The following SLC25A37 variants were observed in gnomAD, a reference collection of about 807,000 sequenced individuals.
SLC25A37 encodes solute carrier family 25 member 37, also known as mitoferrin-1.
SLC25A37 carries 17 observed loss-of-function variants against 31.0 expected under a neutral mutation model. The observed-to-expected ratio is 0.55, with a 90% CI of 0.38 to 0.82. SLC25A37 has a LOEUF of 0.82. Ranked by LOEUF, SLC25A37 falls within the 40% of genes least tolerant of loss-of-function variation. The pLI is 0.00. For synonymous variants in SLC25A37, 222 were observed against 193.0 expected, an observed-to-expected ratio of 1.15 and a Z score of -1.24; for missense variants, 404 against 465.8, an observed-to-expected ratio of 0.87 and a Z score of 1.22.
At chr8:23,551,638 A>C (rs1802228967) in intron 1 of SLC25A37, among the ~76,000 whole-genome samples, 1 of 152,024 alleles carries the variant, frequency 6.6e-6, no homozygotes, top group Non-Finnish European at 1.5e-5. Flanking sequence ...GACCCCATGC[A>C]AAGGGCTTTT....
At chr8:23,551,039 T>A (rs1383101393) in intron 1 of SLC25A37, among the ~76,000 whole-genome samples, 2 of 152,158 alleles carry the variant, frequency 1.3e-5, no homozygotes, top group East Asian at 3.9e-4. Flanking sequence ...ACCAGACCAG[T>A]CAGCAGTGTC....
intron 1 of SLC25A37, among the ~76,000 whole-genome samples, chr8:23,537,793 G>C (rs924527257): frequency 6.6e-6 from 1 of 152,126 alleles, no homozygotes; most frequent in African/African-American, 2.4e-5. Flanking sequence ...CCCATTCTTC[G>C]TGGTGCCTGC....
At chr8:23,548,093 A>G (rs1293334419) in intron 1 of SLC25A37, among the ~76,000 whole-genome samples, 1 of 152,190 alleles carries the variant, frequency 6.6e-6, no homozygotes, top group Non-Finnish European at 1.5e-5. Flanking sequence ...TCCCTGCAGC[A>G]TCTCCCTGCC....
At chr8:23,530,082 A>T (rs1243560804) in intron 1 of SLC25A37, among the ~76,000 whole-genome samples, 1 of 152,068 alleles carries the variant, frequency 6.6e-6, no homozygotes, top group Non-Finnish European at 1.5e-5. Context: ...TGCCCAGAAC[A>T]CCCCAGGGCC....
In SLC25A37 at chr8:23,529,142, C is replaced by T; in HGVS notation, c.140C>T (p.Thr47Ile). 1.2e-6 allele frequency: 2 copies of T among 1,611,936 alleles called. No homozygotes were observed. The highest frequency in any genetic ancestry group is 1.7e-6 in the Non-Finnish European group (2 of 1,179,322). The change falls in exon 1 of 4, where the codon ACC (threonine) becomes ATC (isoleucine). Residue 47 changes from threonine (T) to isoleucine (I), a missense_variant. Thr to Ile is a moderately conservative substitution (Grantham distance 89, BLOSUM62 -1). Coordinates refer to ENST00000519973, the MANE Select transcript of SLC25A37 (RefSeq NM_016612.4). The surrounding 1 kb of genome is among the most constrained non-coding windows in gnomAD (Gnocchi z 4.1). ...ENLPTSASVS[T>I]HMTAGAMAGI... The stretch of plus-strand genomic sequence containing the variant: ...CTGCCGACTAGCGCCTCCGTGTCCA[C>T]CCACATGACAGCAGGAGCGATGGCC...
chr8:23,557,896 G>A (rs1005146339), intron 1 of SLC25A37, among the ~76,000 whole-genome samples: 8 of 152,238 alleles, frequency 5.3e-5, no homozygotes, highest in Non-Finnish European at 1.2e-4. Flanking sequence ...CTTTCGAGGT[G>A]CCCGAGCCTT....
In SLC25A37 at chr8:23,571,939, T is replaced by C. The variant is rs899560397; in HGVS notation, c.*84T>C. On this transcript the variant is annotated 3_prime_UTR_variant, in exon 4 of 4. Coordinates refer to ENST00000519973, the MANE Select transcript of SLC25A37 (RefSeq NM_016612.4). ...CCCTCTCCTCACACGTAGATCATTT[T>C]TTTTTTGCAGGGTGCTGCCTATGGG... 6.7e-6 allele frequency: 10 copies of C among 1,496,076 alleles called. No homozygotes were observed. The South Asian group carries it at 1.3e-4, about 20-fold the overall frequency. 92.7% of individuals were successfully genotyped at this position (1,496,076 alleles called of 1,614,324 possible).
intron 3 of SLC25A37, chr8:23,568,992 G>T: frequency 6.5e-6 from 1 of 153,910 alleles, no homozygotes; most frequent in Non-Finnish European, 1.4e-5. Flanking sequence ...TGGCCGGCAT[G>T]GTGGTTTAAA....
chr8:23,568,379 G>T lies in SLC25A37; in HGVS notation c.496+1G>T. 1 of 1,613,912 alleles carries T rather than the reference G, an allele frequency of 6.2e-7. No individual in the cohort carries two copies. The highest frequency in any genetic ancestry group is 8.5e-7 in the Non-Finnish European group (1 of 1,179,868). ...GATGCGGTAATGAATCCAGCAGAAGGTAATGTTTCATGGTCCCAGGGAGGG... is the reference window on the plus strand; with the variant it reads ...GATGCGGTAATGAATCCAGCAGAAGTTAATGTTTCATGGTCCCAGGGAGGG... On this transcript the variant is annotated splice_donor_variant, in intron 3 of 3. Coordinates refer to ENST00000519973, the MANE Select transcript of SLC25A37 (RefSeq NM_016612.4). LOFTEE classifies it high-confidence loss of function.
chr8:23,548,175 CTCTT>C (rs1008099771), intron 1 of SLC25A37, among the ~76,000 whole-genome samples: 19 of 152,152 alleles, frequency 1.2e-4, no homozygotes, highest in East Asian at 7.7e-4. Flanking sequence ...CATTTCTTCT[CTCTT>C]TCTTTCTTTC....
intron 1 of SLC25A37, among the ~76,000 whole-genome samples, chr8:23,547,850 C>T (rs532454496): frequency 7.2e-5 from 11 of 152,362 alleles, no homozygotes; most frequent in South Asian, 2.1e-4. Flanking sequence ...GCCACAGCCC[C>T]GCCCTGGAAT....
intron 3 of SLC25A37, among the ~76,000 whole-genome samples, chr8:23,569,975 CTT>C (rs1289034477): frequency 6.6e-6 from 1 of 152,162 alleles, no homozygotes; most frequent in African/African-American, 2.4e-5. Flanking sequence ...GTTTGCCTGT[CTT>C]TTGTCTTTCA....
intron 1 of SLC25A37, among the ~76,000 whole-genome samples, chr8:23,533,886 T>C (rs1436612083): frequency 6.6e-6 from 1 of 152,234 alleles, no homozygotes; most frequent in African/African-American, 2.4e-5. Context: ...ATGTTGTGTC[T>C]GATGTTTGTC....
At chr8:23,571,146 G>C (rs936020385) in intron 3 of SLC25A37, among the ~76,000 whole-genome samples, 189 bp from the exon 4 acceptor site, 2 of 152,224 alleles carry the variant, frequency 1.3e-5, no homozygotes, top group African/African-American at 4.8e-5. Context: ...TTTTAACCTA[G>C]GACTGCCGGG....
intron 3 of SLC25A37, among the ~76,000 whole-genome samples, chr8:23,570,299 G>C (rs1453328892): frequency 6.6e-6 from 1 of 151,128 alleles, no homozygotes; most frequent in Non-Finnish European, 1.5e-5. Context: ...TTTCTCAAGA[G>C]ATGTGATGTC....
rs114734670 is a variant in SLC25A37, at chr8:23,568,709, G to A, written c.496+331G>A. The A allele has an allele frequency of 6.6e-3, 2,117 of 321,366 alleles. 45 individuals are homozygous for A. The East Asian group carries it at 0.066, about 10-fold the overall frequency. 19.9% of individuals were successfully genotyped at this position (321,366 alleles called of 1,614,324 possible). A position where few individuals can be genotyped will look rare whatever the true frequency, so the allele number is the denominator to read the frequency against. The stretch of plus-strand genomic sequence containing the variant: ...TAATCCCAGCATTTTTTGGGAGGCC[G>A]AGGTGGGCAGATCACTTGAGGTCAG... On this transcript the variant is annotated intron_variant, in intron 3 of 3. Coordinates refer to ENST00000519973, the MANE Select transcript of SLC25A37 (RefSeq NM_016612.4).
intron 1 of SLC25A37, among the ~76,000 whole-genome samples, chr8:23,543,540 C>T (rs1801955190): frequency 6.6e-6 from 1 of 152,088 alleles, no homozygotes; most frequent in South Asian, 2.1e-4. Flanking sequence ...CTGCAGGCTC[C>T]ATTCATGGTA....
intron 1 of SLC25A37, among the ~76,000 whole-genome samples, chr8:23,550,942 G>A (rs1585187479): frequency 1.3e-5 from 2 of 152,224 alleles, no homozygotes; most frequent in East Asian, 3.9e-4. Flanking sequence ...TCTGGCTGTT[G>A]CCCCCAGGGC....
intron 3 of SLC25A37, among the ~76,000 whole-genome samples, chr8:23,569,137 G>A (rs1209768414): frequency 1.3e-5 from 2 of 152,020 alleles, no homozygotes; most frequent in Non-Finnish European, 2.9e-5. Context: ...GGTGGTGCAT[G>A]CCTGTAGTCC....
Sources: allele counts gnomAD v4.1 joint callset (sites outside exome capture counted in the v4.1 genomes callset), GRCh38; gene constraint gnomAD v4.1.1; non-coding constraint Gnocchi (gnomAD v3.1); transcripts MANE v1.5; gene names NCBI Gene and HGNC (gene_info 2026-07-23, HGNC 2026-07-21).